The following SLC37A1 variants were observed in gnomAD, a reference collection of about 807,000 sequenced individuals.
SLC37A1 encodes the protein glucose-6-phosphate exchanger SLC37A1.
Under a neutral mutation model 75.3 loss-of-function variants are expected in SLC37A1, and 49 were observed. The ratio of observed to expected loss-of-function variants is 0.65; its 90% CI spans 0.52 to 0.83. The LOEUF is 0.83. Among genes scored for constraint, SLC37A1 ranks in the 40% least tolerant of loss-of-function variants. The probability of loss-of-function intolerance (pLI) is 0.00; values close to 1 mark genes in which losing one functional copy is unlikely to be tolerated. For missense variants in SLC37A1, 566 were observed against 695.0 expected, an observed-to-expected ratio of 0.81 and a Z score of 2.09; for synonymous variants, 268 against 292.1, an observed-to-expected ratio of 0.92 and a Z score of 0.84.
chr21:42,506,200 A>G (rs2054382582), intron 2 of SLC37A1, among the ~76,000 whole-genome samples: 1 of 152,224 alleles, frequency 6.6e-6, no homozygotes, highest in Admixed American at 6.5e-5. Context: ...ATAGCTGTGA[A>G]GTGATATATA....
chr21:42,561,868 CT>C, intron 11 of SLC37A1: 1 of 518,644 alleles, frequency 1.9e-6, no homozygotes, highest in East Asian at 3.0e-5. Flanking sequence ...CCTGGTGCCC[CT>C]GCTCGGGGTG....
At chr21:42,504,523 G>A (rs1032300669) in intron 2 of SLC37A1, among the ~76,000 whole-genome samples, 1 of 152,088 alleles carries the variant, frequency 6.6e-6, no homozygotes, top group East Asian at 1.9e-4. Flanking sequence ...TATATGATAT[G>A]TATTACAATG....
intron 2 of SLC37A1, among the ~76,000 whole-genome samples, chr21:42,523,063 C>G (rs2054692395): frequency 6.6e-6 from 1 of 152,260 alleles, no homozygotes; most frequent in Non-Finnish European, 1.5e-5. Flanking sequence ...AGCCTTCCTT[C>G]TGGGCTGTCT....
At chr21:42,571,517 C>T (rs1289168321) in intron 17 of SLC37A1, among the ~76,000 whole-genome samples, 1 of 152,194 alleles carries the variant, frequency 6.6e-6, no homozygotes, top group Non-Finnish European at 1.5e-5. Flanking sequence ...TGTACAGCGG[C>T]GTTCCGTCCC....
At chr21:42,521,152 C>A (rs2054638777) in intron 2 of SLC37A1, among the ~76,000 whole-genome samples, 1 of 152,182 alleles carries the variant, frequency 6.6e-6, no homozygotes, top group South Asian at 2.1e-4. Flanking sequence ...TATCTCAAAG[C>A]AGGTTCCCAG....
Position 42,574,845 on chromosome 21 carries a change from G to A in SLC37A1, c.1451G>A (p.Gly484Glu). Residue 484 changes from glycine (G) to glutamate (E), a missense_variant, in exon 18 of 20, where the codon GGG becomes GAG. Transcript: ENST00000352133. ...GCAGCCCTGGGCCCCCTGCTGGCTG[G>A]GCTCCTCTCCCCGTCCGGCTGGAGC... ...VGAALGPLLAGLLSPSGWSNV... is the reference protein window; with the variant it reads ...VGAALGPLLAELLSPSGWSNV... 1 of 1,614,076 alleles carries A rather than the reference G, an allele frequency of 6.2e-7. No individual in the cohort carries two copies. The highest frequency in any genetic ancestry group is 8.5e-7 in the Non-Finnish European group (1 of 1,179,982).
At position 42,580,591 on chromosome 21, in the gene SLC37A1, C is replaced by A; in HGVS notation, c.*231C>A. On this transcript the variant is annotated 3_prime_UTR_variant, in exon 20 of 20. Coordinates refer to ENST00000352133, the MANE Select transcript of SLC37A1 (RefSeq NM_001320537.2). ...TGCAGGAACTGCTGCCTGAGCCAAGCCAGAGAACCGAAGACCCGGCCGGCC... is the reference window on the plus strand; with the variant it reads ...TGCAGGAACTGCTGCCTGAGCCAAGACAGAGAACCGAAGACCCGGCCGGCC... 1 of 572,968 alleles carries A rather than the reference C, an allele frequency of 1.7e-6. No individual in the cohort carries two copies. The highest frequency in any genetic ancestry group is 1.9e-5 in the African/African-American group (1 of 52,342). 35.5% of individuals were successfully genotyped at this position (572,968 alleles called of 1,614,324 possible).
At chr21:42,527,784 GA>G (rs2054837773) in intron 3 of SLC37A1, among the ~76,000 whole-genome samples, 1 of 152,192 alleles carries the variant, frequency 6.6e-6, no homozygotes, top group Admixed American at 6.5e-5. Flanking sequence ...CAGATTTCCT[GA>G]CCTAGCAGCT....
At chr21:42,561,810 C>T (rs1208080210) in intron 11 of SLC37A1, 7 of 430,534 alleles carry the variant, frequency 1.6e-5, no homozygotes, top group East Asian at 1.5e-4. Flanking sequence ...TGACAGTGGC[C>T]GAGGAGCTGC....
chr21:42,551,798 G>C lies in SLC37A1; in HGVS notation c.769-2264G>C, dbSNP rs754389667. Among the ~76,000 whole-genome samples, 15 of 149,476 alleles carry C rather than the reference G, an allele frequency of 1.0e-4. No individual in the cohort carries two copies. The Middle Eastern group carries it at 0.01, about 104-fold the overall frequency. ...CTCTTCTAATTTATAGGACCTCAAT[G>C]GTTTTTTTTGTTTTGTTTTGTTTTG... On this transcript the variant is annotated intron_variant, in intron 9 of 19. Transcript: ENST00000352133.
At chr21:42,561,798 T>C (rs145618722) in intron 11 of SLC37A1, 4 of 415,096 alleles carry the variant, frequency 9.6e-6, no homozygotes, top group African/African-American at 7.9e-5. Context: ...CTGCACCCCA[T>C]GTGACAGTGG....
At chr21:42,506,273 T>G (rs1398103062) in intron 2 of SLC37A1, among the ~76,000 whole-genome samples, 1 of 152,224 alleles carries the variant, frequency 6.6e-6, no homozygotes, top group African/African-American at 2.4e-5. Context: ...TAATCAAAGC[T>G]TAACAGGATT....
intron 2 of SLC37A1, among the ~76,000 whole-genome samples, chr21:42,523,773 C>T (rs939807665): frequency 6.6e-6 from 1 of 152,218 alleles, no homozygotes; most frequent in Non-Finnish European, 1.5e-5. Context: ...TTTCTGTCTT[C>T]AGTCAGCAGG....
In SLC37A1 at chr21:42,547,060, T is replaced by C. The variant is rs1393661851; in HGVS notation, c.731-43T>C. The stretch of plus-strand genomic sequence containing the variant: ...TTACGTAGCTTACTTGGCATTGCCA[T>C]GGTGGTGGACCTGCTCAGCCTCACT... On this transcript the variant is annotated intron_variant, in intron 8 of 19. Coordinates refer to ENST00000352133, the MANE Select transcript of SLC37A1 (RefSeq NM_001320537.2). The surrounding 1 kb of genome is among the most constrained non-coding windows in gnomAD (Gnocchi z 6.1). 1 of 1,614,020 alleles carries C rather than the reference T, an allele frequency of 6.2e-7. No homozygotes were observed. Among genetic ancestry groups the C allele is most frequent in the Non-Finnish European group, 8.5e-7 (1 of 1,179,880 alleles).
intron 3 of SLC37A1, among the ~76,000 whole-genome samples, chr21:42,533,199 C>G (rs529421843): frequency 3.3e-5 from 5 of 152,330 alleles, no homozygotes; most frequent in Admixed American, 1.3e-4. Context: ...CACTGCCCTC[C>G]AGACCCCTGG....
rs1336191209 is a variant in SLC37A1 at position 42,581,352 on chromosome 21, TCTGG to T, written c.*996_*999del. 2.6e-5 allele frequency: 4 copies of T among 152,816 alleles called. No homozygotes were observed. The East Asian group carries it at 5.8e-4, about 22-fold the overall frequency. 9.5% of individuals were successfully genotyped at this position (152,816 alleles called of 1,614,324 possible). ...TTATTAAGACAAACTCCAATTGTTC[TCTGG>T]CTGTTTTTTTCAGTTGTGTCTAGCA... On this transcript the variant is annotated 3_prime_UTR_variant, in exon 20 of 20. Transcript: ENST00000352133.
rs916288644 is a variant in SLC37A1 at position 42,552,899 on chromosome 21, C to T, written c.769-1163C>T. The stretch of plus-strand genomic sequence containing the variant: ...CATCTCTGCTTCTGCCTGGAATGGT[C>T]GGATGATAAACTGGCCAGATAATCA... On this transcript the variant is annotated intron_variant, in intron 9 of 19. Transcript: ENST00000352133. This position sits in a 1 kb window ranked among gnomAD's most constrained non-coding sequence, Gnocchi z 4.2. Among the ~76,000 whole-genome samples the T allele has an allele frequency of 2.0e-5, 3 of 152,190 alleles. No individual in the cohort carries two copies. Among genetic ancestry groups the T allele is most frequent in the African/African-American group, 4.8e-5 (2 of 41,444 alleles).
intron 19 of SLC37A1, 140 bp downstream of exon 19, chr21:42,579,940 T>C: frequency 2.6e-6 from 2 of 758,514 alleles, no homozygotes; most frequent in East Asian, 5.4e-5. Flanking sequence ...ACCTTCACTC[T>C]CACTTTTTCT....
chr21:42,579,130 C>T (rs147263741), intron 18 of SLC37A1, among the ~76,000 whole-genome samples: 1 of 152,360 alleles, frequency 6.6e-6, no homozygotes, highest in East Asian at 1.9e-4. Flanking sequence ...ATGTGAAGGG[C>T]ACGGAGTTAA....
Sources: gnomAD v4.1 joint callset for allele counts (sites outside exome capture counted in the v4.1 genomes callset) on GRCh38, gnomAD v4.1.1 for gene constraint, Gnocchi (gnomAD v3.1) non-coding constraint, MANE v1.5 for transcripts, NCBI Gene and HGNC (gene_info 2026-07-23, HGNC 2026-07-21) for gene names.